Variants in GLB1 observed in about 807,000 individuals in gnomAD.
GLB1 encodes galactosidase beta 1.
A neutral mutation model predicts 74.0 loss-of-function variants in GLB1; 56 were observed. The ratio of observed to expected loss-of-function variants is 0.76; its 90% CI spans 0.61 to 0.94. The LOEUF is 0.94. Among genes scored for constraint, GLB1 ranks in the 40% least tolerant of loss-of-function variants. GLB1 has a pLI of 0.00. For missense variants in GLB1, 787 were observed against 845.5 expected (o/e 0.93, Z 0.86); for synonymous variants, 323 against 323.6 (o/e 1.00, Z 0.02).
In GLB1 at chr3:33,024,556, C is replaced by T. The variant is rs73826342; in HGVS notation, c.1069-231G>A. On this transcript the variant is annotated intron_variant, in intron 10 of 15. Coordinates refer to ENST00000307363, the MANE Select transcript of GLB1 (RefSeq NM_000404.4). ...CAGGAATATCCAAATAATTATAAAC[C>T]GAAAGACCTCAAAACAAAAGAGCAA... 41,316 of 494,374 alleles carry T rather than the reference C, an allele frequency of 0.084. 2,216 individuals are homozygous for T. Among genetic ancestry groups the T allele is most frequent in the East Asian group, 0.21 (5,962 of 28,214 alleles). 30.6% of individuals were successfully genotyped at this position (494,374 alleles called of 1,614,324 possible).
In GLB1 at chr3:32,997,233, T is replaced by C. The variant is rs1435740971; in HGVS notation, c.1846A>G (p.Ile616Val). ...HILMTSAPNT[I>V]TVLELEWAPC... Reference sequence around the variant, plus strand: ...GCCCACTCCAGTTCCAGCACGGTGATGGTGTTTGGGGCCGAGGTCATCAGG... The same window carrying C: ...GCCCACTCCAGTTCCAGCACGGTGACGGTGTTTGGGGCCGAGGTCATCAGG... The change falls in exon 16 of 16, where the codon ATC becomes GTC. Residue 616 changes from isoleucine (I) to valine (V), a missense_variant. Physicochemically the swap from Ile to Val is conservative, Grantham distance 29 (BLOSUM62 3). Coordinates refer to ENST00000307363, the MANE Select transcript of GLB1 (RefSeq NM_000404.4). The C allele has an allele frequency of 5.0e-6, 8 of 1,614,158 alleles. No homozygotes were observed. Among genetic ancestry groups the C allele is most frequent in the African/African-American group, 1.3e-5 (1 of 75,032 alleles).
At chr3:33,037,660 T>C (rs781157135) in intron 10 of GLB1, among the ~76,000 whole-genome samples, 11 of 152,018 alleles carry the variant, frequency 7.2e-5, no homozygotes, top group South Asian at 2.1e-4. Flanking sequence ...TAAAAACTAA[T>C]AGAATGGCAG....
At chr3:33,064,533 T>C (rs1241220432) in intron 5 of GLB1, among the ~76,000 whole-genome samples, 1 of 151,234 alleles carries the variant, frequency 6.6e-6, no homozygotes, top group Non-Finnish European at 1.5e-5. Context: ...TCCCAGCACT[T>C]TGGAAGGCCA....
chr3:33,008,538 G>A (rs762580446), intron 15 of GLB1, among the ~76,000 whole-genome samples: 1 of 152,170 alleles, frequency 6.6e-6, no homozygotes, highest in Non-Finnish European at 1.5e-5. Context: ...GGAGAGGGTG[G>A]AGAGTCAGGT....
In GLB1 at chr3:33,014,278, A is replaced by G. The variant is rs981899210; in HGVS notation, c.1512T>C (p.Asn504=). 6.2e-7 allele frequency: 1 copy of G among 1,614,156 alleles called. No homozygotes were observed. The highest frequency in any genetic ancestry group is 8.5e-7 in the Non-Finnish European group (1 of 1,180,004). ...GLVSNLTLSS[N]ILTDWTIFPL... ...GAAAGATCGTCCAGTCCGTGAGGAT[A>G]TTGGAACTGAGAGTCAGGTTAGAAA... is the stretch of plus-strand genomic sequence containing the variant. Residue 504 remains asparagine (N), a synonymous_variant, in exon 15 of 16, where the codon AAT becomes AAC. Transcript: ENST00000307363.
Position 33,014,240 on chromosome 3 carries a change from T to A in GLB1, c.1550A>T (p.Glu517Val). Reference sequence around the variant, plus strand: ...CCCCAGGTGGCTGCACACTGCATCCTCAGTGTCCAGTGGAAAGATCGTCCA... The same window carrying A: ...CCCCAGGTGGCTGCACACTGCATCCACAGTGTCCAGTGGAAAGATCGTCCA... ...TDWTIFPLDT[E>V]DAVCSHLGGW... is the part of the protein sequence containing the mutation. The change falls in exon 15 of 16, where the codon GAG becomes GTG. Residue 517 changes from glutamate (E) to valine (V), a missense_variant. Physicochemically the swap from Glu to Val is moderately radical, Grantham distance 121. Coordinates refer to ENST00000307363, the MANE Select transcript of GLB1 (RefSeq NM_000404.4). 6.2e-7 allele frequency: 1 copy of A among 1,614,110 alleles called. No homozygotes were observed. The highest frequency in any genetic ancestry group is 8.5e-7 in the Non-Finnish European group (1 of 1,180,008).
rs1156786366 is a variant in GLB1, at chr3:33,092,104, A to C, written c.75+4907T>G. ...GAGACAAGGGAGGCAAAGCCCTCTGAATTCCTAAGCAGCCATGTTCTCACC... is the reference window on the plus strand; with the variant it reads ...GAGACAAGGGAGGCAAAGCCCTCTGCATTCCTAAGCAGCCATGTTCTCACC... On this transcript the variant is annotated intron_variant, in intron 1 of 15. Coordinates refer to ENST00000307363, the MANE Select transcript of GLB1 (RefSeq NM_000404.4). 6.1e-6 allele frequency: 6 copies of C among 985,340 alleles called. No homozygotes were observed. In the African/African-American group the frequency reaches 1.0e-4, roughly 17 times the overall value. 61.0% of individuals were successfully genotyped at this position (985,340 alleles called of 1,614,324 possible). A position where few individuals can be genotyped will look rare whatever the true frequency, so the allele number is the denominator to read the frequency against.
chr3:33,011,448 T>TAAAAAAAAAAAAAAAAAA (rs63030461), intron 15 of GLB1, among the ~76,000 whole-genome samples: 1 of 142,930 alleles, frequency 7.0e-6, no homozygotes, highest in African/African-American at 2.6e-5. Flanking sequence ...CCAATAAAAA[T>TAAAAAAAAAAAAAAAAAA]AAAAAAAAAA....
intron 15 of GLB1, among the ~76,000 whole-genome samples, chr3:33,001,198 T>C (rs1696551864): frequency 6.6e-6 from 1 of 151,742 alleles, no homozygotes; most frequent in African/African-American, 2.4e-5. Flanking sequence ...TCTTCTCTTC[T>C]CCTCCTTCCT....
chr3:33,073,540 T>A (rs1203564517), intron 1 of GLB1, among the ~76,000 whole-genome samples: 1 of 151,466 alleles, frequency 6.6e-6, no homozygotes, highest in East Asian at 1.9e-4. Context: ...ATACAAAAAT[T>A]AGCCGGGCAT....
At chr3:33,030,684 C>G (rs1196869589) in intron 10 of GLB1, 4 of 985,292 alleles carry the variant, frequency 4.1e-6, no homozygotes, top group African/African-American at 3.5e-5. Flanking sequence ...CTTCACCACT[C>G]AGCCCAGTTA....
chr3:33,064,908 A>C (rs1699610182), intron 5 of GLB1, among the ~76,000 whole-genome samples: 1 of 152,110 alleles, frequency 6.6e-6, no homozygotes, highest in African/African-American at 2.4e-5. Flanking sequence ...CCCACAGTAT[A>C]TTAGTCCTTG....
At chr3:32,980,147 G>A in the GLB1 span, among the ~76,000 whole-genome samples, 3 of 152,270 alleles carry the variant, frequency 2.0e-5, no homozygotes, top group Admixed American at 6.5e-5. Context: ...TGTGCAATAA[G>A]GACATTAGCA....
At chr3:33,071,367 C>G (rs1699880578) in intron 2 of GLB1, among the ~76,000 whole-genome samples, 1 of 152,182 alleles carries the variant, frequency 6.6e-6, no homozygotes, top group African/African-American at 2.4e-5. Context: ...GAGAAGTTAT[C>G]AGCAATCCAC....
In GLB1 at chr3:33,021,346, A is replaced by G. The variant is rs541355766; in HGVS notation, c.1233+220T>C. 287 of 592,652 alleles carry G rather than the reference A, an allele frequency of 4.8e-4. 3 individuals are homozygous for G. Among genetic ancestry groups the G allele is most frequent in the African/African-American group, 4.8e-3 (259 of 53,738 alleles). The allele number at this position is 592,652 out of a possible 1,614,324, so 36.7% of individuals were successfully genotyped here. A position where few individuals can be genotyped will look rare whatever the true frequency, so the allele number is the denominator to read the frequency against. The stretch of plus-strand genomic sequence containing the variant: ...TGAAGCAGGTTGGGCTACCTCCTGT[A>G]TGAGTGAGAAGAAGTGGGGCAAAAA... On this transcript the variant is annotated intron_variant, in intron 12 of 15. Transcript: ENST00000307363.
intron 14 of GLB1, among the ~76,000 whole-genome samples, chr3:33,015,737 G>A (rs959836491): frequency 3.9e-5 from 6 of 152,152 alleles, no homozygotes. Context: ...TATACTGGAG[G>A]CAAAGGTGGC....
At chr3:33,049,087 T>A (rs1053274063) in intron 9 of GLB1, among the ~76,000 whole-genome samples, 1 of 152,176 alleles carries the variant, frequency 6.6e-6, no homozygotes, top group Admixed American at 6.5e-5. Flanking sequence ...GTAAGATTTT[T>A]AAAAAATTGT....
chr3:33,057,584 C>G (rs1214019846), intron 6 of GLB1, among the ~76,000 whole-genome samples: 1 of 152,228 alleles, frequency 6.6e-6, no homozygotes, highest in Non-Finnish European at 1.5e-5. Context: ...CCAGCCCTGA[C>G]AGTTCAGTGT....
At chr3:33,092,754 G>A in intron 1 of GLB1, 1 of 1,517,112 alleles carries the variant, frequency 6.6e-7, no homozygotes, top group Admixed American at 2.2e-5. Flanking sequence ...GGCTGGAGGG[G>A]AAAAGCAGGC....
Sources: gnomAD v4.1 joint callset for allele counts (sites outside exome capture counted in the v4.1 genomes callset) on GRCh38, gnomAD v4.1.1 for gene constraint, MANE v1.5 for transcripts, NCBI Gene and HGNC (gene_info 2026-07-23, HGNC 2026-07-21) for gene names.